The following FGD5 variants were observed in gnomAD, a reference collection of about 807,000 sequenced individuals.
The protein encoded by FGD5 is FYVE, RhoGEF and PH domain-containing protein 5.
FGD5 carries 28 observed loss-of-function variants against 133.4 expected under a neutral mutation model. That is an observed-to-expected ratio of 0.21 (90% CI 0.16 to 0.29). FGD5 has a LOEUF of 0.29. FGD5 is among the 10% of genes least tolerant of loss of function. FGD5 has a pLI of 1.00. For synonymous variants in FGD5, 810 were observed against 776.5 expected (o/e 1.04, Z -0.72); for missense variants, 1,858 against 1,895.2 (o/e 0.98, Z 0.36).
intron 4 of FGD5, among the ~76,000 whole-genome samples, chr3:14,884,920 C>G (rs2037895935): frequency 6.6e-6 from 1 of 152,018 alleles, no homozygotes; most frequent in South Asian, 2.1e-4. Context: ...GGCATTCACT[C>G]CCTGGCGCCG....
Position 14,922,620 on chromosome 3 carries a change from G to A in FGD5, c.3807+72G>A, listed in dbSNP as rs995032057. ...GGGAAGGGCATGTCCCTGCCCAGCC[G>A]GGGGCTCAGGGATGTCCAGCAGCTA... On this transcript the variant is annotated intron_variant, in intron 15 of 19. Transcript: ENST00000285046. This position sits in a 1 kb window ranked among gnomAD's most constrained non-coding sequence, Gnocchi z 4.1. 1.8e-5 allele frequency: 27 copies of A among 1,511,698 alleles called. No homozygotes were observed. The highest frequency in any genetic ancestry group is 2.7e-5 in the African/African-American group (2 of 72,800). The allele number at this position is 1,511,698 out of a possible 1,614,324, so 93.6% of individuals were successfully genotyped here.
chr3:14,873,703 C>T (rs150945150), intron 2 of FGD5, among the ~76,000 whole-genome samples: 10 of 151,536 alleles, frequency 6.6e-5, no homozygotes, highest in Non-Finnish European at 8.8e-5. Flanking sequence ...GTGGCAAGAA[C>T]GTTTAACGTA....
chr3:14,832,251 A>G (rs1234094098), intron 1 of FGD5, among the ~76,000 whole-genome samples: 1 of 152,182 alleles, frequency 6.6e-6, no homozygotes, highest in Non-Finnish European at 1.5e-5. Flanking sequence ...AGCTGAGGCA[A>G]ACAGACACTT....
chr3:14,870,403 C>T (rs1198636646), intron 2 of FGD5, among the ~76,000 whole-genome samples: 1 of 152,324 alleles, frequency 6.6e-6, no homozygotes, highest in Middle Eastern at 3.4e-3. Context: ...TGCTGCACAA[C>T]CCTCTTGATA....
intron 2 of FGD5, among the ~76,000 whole-genome samples, chr3:14,868,391 C>T (rs969778248): frequency 1.3e-5 from 2 of 152,228 alleles, no homozygotes; most frequent in Non-Finnish European, 2.9e-5. Context: ...GCAGGGCCCA[C>T]ATGCCCAGAG....
chr3:14,880,189 C>CA (rs1362414619), intron 2 of FGD5, among the ~76,000 whole-genome samples: 2 of 151,858 alleles, frequency 1.3e-5, no homozygotes, highest in Non-Finnish European at 2.9e-5. Context: ...CCTGTCTCTA[C>CA]AAAAAATTTT....
intron 4 of FGD5, among the ~76,000 whole-genome samples, chr3:14,895,800 T>C (rs1416142139): frequency 6.6e-6 from 1 of 152,034 alleles, no homozygotes; most frequent in Non-Finnish European, 1.5e-5. Flanking sequence ...AACTCCTAGG[T>C]GCAAGTGATC....
intron 18 of FGD5, among the ~76,000 whole-genome samples, chr3:14,930,222 A>G (rs1295453208): frequency 6.6e-6 from 1 of 152,218 alleles, no homozygotes; most frequent in African/African-American, 2.4e-5. Flanking sequence ...TCCTTATGCC[A>G]GTACCAAACT....
chr3:14,898,239 A>T, intron 6 of FGD5, 144 bp downstream of exon 6: 1 of 1,106,202 alleles, frequency 9.0e-7, no homozygotes, highest in South Asian at 1.5e-5. Context: ...GGATGAGAGG[A>T]TGACCCATCA....
chr3:14,887,588 C>CT (rs2037948362), intron 4 of FGD5, among the ~76,000 whole-genome samples: 1 of 152,000 alleles, frequency 6.6e-6, no homozygotes, highest in Non-Finnish European at 1.5e-5. Flanking sequence ...TCCTGAGCAC[C>CT]TGGTCTGGGT....
chr3:14,856,294 A>G (rs908938286), intron 1 of FGD5, among the ~76,000 whole-genome samples: 1 of 152,070 alleles, frequency 6.6e-6, no homozygotes, highest in Non-Finnish European at 1.5e-5. Context: ...TATATTTTGA[A>G]GTCTGGTAAT....
intron 1 of FGD5, among the ~76,000 whole-genome samples, chr3:14,822,354 T>A (rs9833087): frequency 0.056 from 8,575 of 152,218 alleles, 258 homozygotes; most frequent in African/African-American, 0.075. Context: ...AAATTGAGAT[T>A]GGCACCTTTT....
intron 1 of FGD5, among the ~76,000 whole-genome samples, chr3:14,850,664 G>C (rs1017304635): frequency 3.9e-5 from 6 of 152,208 alleles, no homozygotes; most frequent in Non-Finnish European, 7.3e-5. Flanking sequence ...CTACCTTCAA[G>C]GAACTTTAAT....
chr3:14,882,326 T>A (rs904557421), intron 4 of FGD5: 1 of 985,260 alleles, frequency 1.0e-6, no homozygotes, highest in Admixed American at 6.2e-5. Context: ...CCCTGCTTCC[T>A]GCCAGTTGGA....
At chr3:14,877,294 C>T (rs757830943) in intron 2 of FGD5, among the ~76,000 whole-genome samples, 4 of 152,368 alleles carry the variant, frequency 2.6e-5, no homozygotes, top group Non-Finnish European at 5.9e-5. Context: ...CATCCATCAT[C>T]GCAGAGTCAC....
intron 1 of FGD5, among the ~76,000 whole-genome samples, chr3:14,861,099 TAAAG>T (rs2037389794): frequency 6.6e-6 from 1 of 152,092 alleles, no homozygotes; most frequent in Non-Finnish European, 1.5e-5. Flanking sequence ...TGAGTTAACT[TAAAG>T]AAAACATGAG....
At chr3:14,869,373 G>A (rs2037561388) in intron 2 of FGD5, among the ~76,000 whole-genome samples, 2 of 152,144 alleles carry the variant, frequency 1.3e-5, no homozygotes, top group South Asian at 2.1e-4. Flanking sequence ...TCCTGGGATT[G>A]GGGGTGGGGG....
intron 4 of FGD5, among the ~76,000 whole-genome samples, chr3:14,892,779 A>G (rs981781759): frequency 2.8e-4 from 42 of 151,810 alleles, no homozygotes; most frequent in African/African-American, 1.0e-3. Flanking sequence ...AGATCATGCC[A>G]TTGCACTCCA....
intron 10 of FGD5, 115 bp from the exon 11 acceptor site, chr3:14,910,746 C>T: frequency 1.1e-6 from 1 of 873,056 alleles, no homozygotes; most frequent in Non-Finnish European, 1.8e-6. Flanking sequence ...AGGGGCCTCC[C>T]CTGCACCCTT....
Sources: allele counts gnomAD v4.1 joint callset (sites outside exome capture counted in the v4.1 genomes callset), GRCh38; gene constraint gnomAD v4.1.1; non-coding constraint Gnocchi (gnomAD v3.1); transcripts MANE v1.5; gene names NCBI Gene and HGNC (gene_info 2026-07-23, HGNC 2026-07-21).